CAMK2G: variants seen among roughly 807,000 people sequenced by gnomAD.
CAMK2G encodes calcium/calmodulin dependent protein kinase II gamma.
Under a neutral mutation model 88.7 loss-of-function variants are expected in CAMK2G, and 23 were observed. The ratio of observed to expected loss-of-function variants is 0.26; its 90% CI spans 0.19 to 0.37. The LOEUF (loss-of-function observed/expected upper bound fraction) is 0.37. Among genes scored for constraint, CAMK2G ranks in the 10% least tolerant of loss-of-function variants. The probability of loss-of-function intolerance (pLI) is 1.00; values close to 1 mark genes in which losing one functional copy is unlikely to be tolerated. For missense variants in CAMK2G, 476 were observed against 780.8 expected (o/e 0.61, Z 4.65); for synonymous variants, 263 against 294.8 (o/e 0.89, Z 1.11).
chr10:73,849,243 G>A lies in CAMK2G; in HGVS notation c.414+18C>T. 6.2e-7 allele frequency: 1 copy of A among 1,607,918 alleles called. No homozygotes were observed. The highest frequency in any genetic ancestry group is 8.5e-7 in the Non-Finnish European group (1 of 1,174,416). ...AACACTTCATGAGCAGAGGCACGGAGGGGAGCCTGGGTAGTACCTTCAGGT... is the reference window on the plus strand; with the variant it reads ...AACACTTCATGAGCAGAGGCACGGAAGGGAGCCTGGGTAGTACCTTCAGGT... On this transcript the variant is annotated intron_variant, in intron 6 of 22. Transcript: ENST00000423381.
At chr10:73,856,696 C>T (rs146941742) in intron 3 of CAMK2G, among the ~76,000 whole-genome samples, 1 of 152,364 alleles carries the variant, frequency 6.6e-6, no homozygotes, top group East Asian at 1.9e-4. Context: ...AGGGCCAGGC[C>T]ATGTCCATAG....
At position 73,839,344 on chromosome 10, in the gene CAMK2G, C is replaced by A. The variant is rs1322255697; in HGVS notation, c.1009+195G>T. 6.6e-6 allele frequency among the ~76,000 whole-genome samples: 1 copy of A among 152,224 alleles called. No homozygotes were observed. The highest frequency in any genetic ancestry group is 1.5e-5 in the Non-Finnish European group (1 of 68,038). ...CCCCTGAAAGTTGGCAAGCGCCCAG[C>A]ATGCATGGCTGGTTAGGGGGCTCCA... On this transcript the variant is annotated intron_variant, in intron 13 of 22. Transcript: ENST00000423381. The surrounding 1 kb of genome is among the most constrained non-coding windows in gnomAD (Gnocchi z 4.2).
rs146572660 is a variant in CAMK2G at position 73,855,416 on chromosome 10, C to T, written c.221-2170G>A. 5.5e-3 allele frequency among the ~76,000 whole-genome samples: 835 copies of T among 152,344 alleles called. 10 individuals carry two copies. The highest frequency in any genetic ancestry group is 0.019 in the African/African-American group (800 of 41,572). ...TAACAGCAGCAGCATGGGGAATTAA[C>T]GGGACAGCAGCAGGTATGATGCTGA... On this transcript the variant is annotated intron_variant, in intron 3 of 22. Coordinates refer to ENST00000423381, the MANE Select transcript of CAMK2G (RefSeq NM_001367534.1).
intron 14 of CAMK2G, among the ~76,000 whole-genome samples, chr10:73,828,378 A>G (rs1358099565): frequency 6.6e-6 from 1 of 152,202 alleles, no homozygotes; most frequent in Non-Finnish European, 1.5e-5. Context: ...GAGATGTCTC[A>G]GCCTTGCTCA....
At position 73,841,971 on chromosome 10, in the gene CAMK2G, C is replaced by A; in HGVS notation, c.946+198G>T. On this transcript the variant is annotated intron_variant, in intron 12 of 22. Transcript: ENST00000423381. Reference sequence around the variant, plus strand: ...TTGGGAAGTTCTAGGAAACAATTCACAAATGTGAGTCCAGCCCCCTGAATC... The same window carrying A: ...TTGGGAAGTTCTAGGAAACAATTCAAAAATGTGAGTCCAGCCCCCTGAATC... The A allele has an allele frequency of 5.0e-6, 3 of 603,930 alleles. No individual in the cohort carries two copies. The South Asian group carries it at 5.8e-5, about 12-fold the overall frequency. 37.4% of individuals were successfully genotyped at this position (603,930 alleles called of 1,614,324 possible). A position where few individuals can be genotyped will look rare whatever the true frequency, so the allele number is the denominator to read the frequency against.
At chr10:73,858,660 C>T (rs551873789) in intron 3 of CAMK2G, among the ~76,000 whole-genome samples, 181 of 152,342 alleles carry the variant, frequency 1.2e-3, no homozygotes, top group Admixed American at 1.5e-3. Flanking sequence ...CTGTGCCCCA[C>T]CTGGCCTCTG....
At chr10:73,817,687 T>G in intron 19 of CAMK2G, 133 bp from the exon 20 acceptor site, 8 of 662,164 alleles carry the variant, frequency 1.2e-5, no homozygotes, top group Non-Finnish European at 1.7e-5. Flanking sequence ...TCTAGGGCCC[T>G]TGGCAGGAAG....
intron 14 of CAMK2G, among the ~76,000 whole-genome samples, chr10:73,831,630 G>A (rs1222919608): frequency 6.6e-6 from 1 of 151,546 alleles, no homozygotes; most frequent in Non-Finnish European, 1.5e-5. Flanking sequence ...CGCACTTCAG[G>A]AGGTTGAGGC....
chr10:73,872,885 T>C, intron 2 of CAMK2G, 104 bp downstream of exon 2: 1 of 804,206 alleles, frequency 1.2e-6, no homozygotes, highest in Non-Finnish European at 2.2e-6. Flanking sequence ...CCAACTCCTC[T>C]CCAAGTGCTA....
intron 13 of CAMK2G, among the ~76,000 whole-genome samples, chr10:73,838,180 T>C (rs1289339694): frequency 1.3e-5 from 2 of 152,120 alleles, no homozygotes; most frequent in Non-Finnish European, 2.9e-5. Flanking sequence ...AGGCATAGGG[T>C]GACGCTCCAG....
intron 5 of CAMK2G, among the ~76,000 whole-genome samples, chr10:73,851,398 G>A (rs565146034): frequency 1.3e-5 from 2 of 152,162 alleles, no homozygotes; most frequent in African/African-American, 4.8e-5. Context: ...GCATGTGGCC[G>A]GGGAACGGTC....
At chr10:73,830,540 CTTAAT>C (rs887210570) in intron 14 of CAMK2G, among the ~76,000 whole-genome samples, 39 of 152,346 alleles carry the variant, frequency 2.6e-4, no homozygotes, top group African/African-American at 7.5e-4. Flanking sequence ...CTTTCTCATA[CTTAAT>C]TTAACAAAAT....
At chr10:73,852,472 C>G (rs2094700215) in intron 4 of CAMK2G, 153 bp from the exon 5 acceptor site, 1 of 639,518 alleles carries the variant, frequency 1.6e-6, no homozygotes, top group Non-Finnish European at 2.8e-6. Context: ...CACACTCGAT[C>G]CTTCAGTGAC....
intron 2 of CAMK2G, among the ~76,000 whole-genome samples, chr10:73,867,001 C>T (rs901281862): frequency 2.6e-5 from 4 of 152,146 alleles, no homozygotes; most frequent in South Asian, 2.1e-4. Flanking sequence ...AAAGTCCATC[C>T]GACACACAAG....
chr10:73,867,092 T>G (rs2095623432), intron 2 of CAMK2G, among the ~76,000 whole-genome samples: 1 of 152,190 alleles, frequency 6.6e-6, no homozygotes, highest in South Asian at 2.1e-4. Flanking sequence ...GGACGGGGCC[T>G]GAAATGGTCC....
At chr10:73,820,208 A>C (rs1456998969) in intron 18 of CAMK2G, among the ~76,000 whole-genome samples, 4 of 151,904 alleles carry the variant, frequency 2.6e-5, no homozygotes, top group Non-Finnish European at 5.9e-5. Context: ...ATTCAGGCAA[A>C]GGGAGCAATT....
intron 10 of CAMK2G, among the ~76,000 whole-genome samples, chr10:73,844,378 A>G (rs1466748211): frequency 2.7e-5 from 4 of 146,406 alleles, no homozygotes. Flanking sequence ...GGTGTGAGCC[A>G]CCGCTCCTGA....
chr10:73,845,726 G>T (rs74595593), intron 10 of CAMK2G, among the ~76,000 whole-genome samples: 1,904 of 152,086 alleles, frequency 0.013, 41 homozygotes, highest in African/African-American at 0.044. Context: ...CAACTGGAGA[G>T]AATTAAATCC....
At chr10:73,843,860 C>G (rs1018146375) in intron 10 of CAMK2G, among the ~76,000 whole-genome samples, 2 of 152,140 alleles carry the variant, frequency 1.3e-5, no homozygotes, top group Admixed American at 6.5e-5. Context: ...GCAAGAACCC[C>G]TTTCAGCTCA....
Sources: allele counts gnomAD v4.1 joint callset (sites outside exome capture counted in the v4.1 genomes callset), GRCh38; gene constraint gnomAD v4.1.1; non-coding constraint Gnocchi (gnomAD v3.1); transcripts MANE v1.5; gene names NCBI Gene and HGNC (gene_info 2026-07-23, HGNC 2026-07-21).